The following SLC16A12 variants were observed in gnomAD, a reference collection of about 807,000 sequenced individuals.
The protein encoded by SLC16A12 is solute carrier family 16 member 12.
SLC16A12 carries 17 observed loss-of-function variants against 42.4 expected under a neutral mutation model. That is an observed-to-expected ratio of 0.40 (90% CI 0.27 to 0.60). SLC16A12 has a LOEUF of 0.60. Among genes scored for constraint, SLC16A12 ranks in the 20% least tolerant of loss-of-function variants. The probability of loss-of-function intolerance (pLI) is 0.42; values close to 1 mark genes in which losing one functional copy is unlikely to be tolerated. For synonymous variants in SLC16A12, 224 were observed against 229.4 expected (o/e 0.98, Z 0.21); for missense variants, 544 against 623.0 (o/e 0.87, Z 1.35).
intron 2 of SLC16A12, among the ~76,000 whole-genome samples, chr10:89,496,992 T>G (rs1309905575): frequency 1.3e-5 from 2 of 152,172 alleles, no homozygotes. Context: ...CATGAAAAGA[T>G]GCTCATTTTT....
At chr10:89,455,754 C>T (rs182871894) in intron 3 of SLC16A12, among the ~76,000 whole-genome samples, 63 of 152,266 alleles carry the variant, frequency 4.1e-4, no homozygotes, top group African/African-American at 1.3e-3. Context: ...ATCCCTGGTT[C>T]TCACCCTAGG....
chr10:89,550,531 C>CA (rs1222981053), intron 2 of SLC16A12, among the ~76,000 whole-genome samples: 2 of 152,104 alleles, frequency 1.3e-5, no homozygotes, highest in African/African-American at 4.8e-5. Flanking sequence ...AACAAACAAA[C>CA]AACAACAACA....
intron 7 of SLC16A12, among the ~76,000 whole-genome samples, chr10:89,435,493 A>G (rs1841765062): frequency 6.6e-6 from 1 of 152,316 alleles, no homozygotes; most frequent in Admixed American, 6.5e-5. Flanking sequence ...AACTATTAGA[A>G]TGGAATCTTA....
At chr10:89,536,189 T>A (rs891157890), upstream of SLC16A12, among the ~76,000 whole-genome samples, 1 of 152,016 alleles carries the variant, frequency 6.6e-6, no homozygotes, top group Non-Finnish European at 1.5e-5. Context: ...AAAGAACTTT[T>A]CCCCTCAGGG....
Position 89,433,079 on chromosome 10 carries a change from G to C in SLC16A12, c.1536C>G (p.Gly512=). 1.9e-6 allele frequency: 3 copies of C among 1,614,140 alleles called. No homozygotes were observed. The highest frequency in any genetic ancestry group is 2.5e-6 in the Non-Finnish European group (3 of 1,179,998). ...AGGCCTTTGGTCATGTGAGGCTGTA[G>C]CCAGGCACTGCTGTAGCCACAGGCT... ...HGEPVATAVP[G]YSLT is the part of the protein sequence containing the mutation. Residue 512 remains glycine (G), a synonymous_variant, in exon 8 of 8, where the codon GGC becomes GGG. Coordinates refer to ENST00000371790, the MANE Select transcript of SLC16A12 (RefSeq NM_213606.4).
rs145595230 is a variant in SLC16A12 at position 89,461,189 on chromosome 10, G to A, written c.200+1190C>T. On this transcript the variant is annotated intron_variant, in intron 3 of 7. Transcript: ENST00000371790. ...ATGAGATGGATGAGTCTTAATGTAC[G>A]TGCATCTAACTTAGGCATATTCAAC... is the stretch of plus-strand genomic sequence containing the variant. Among the ~76,000 whole-genome samples, 40 of 152,258 alleles carry A rather than the reference G, an allele frequency of 2.6e-4. No individual in the cohort carries two copies. The East Asian group carries it at 6.2e-3, about 23-fold the overall frequency.
intron 2 of SLC16A12, among the ~76,000 whole-genome samples, chr10:89,499,846 A>G (rs1842969903): frequency 6.6e-6 from 1 of 152,334 alleles, no homozygotes; most frequent in Admixed American, 6.5e-5. Context: ...ACGAAAGATA[A>G]ATAAAACAAA....
rs1273974215 is a variant in SLC16A12 at position 89,546,752 on chromosome 10, T to C, written c.-47+9130A>G. 2.0e-5 allele frequency among the ~76,000 whole-genome samples: 3 copies of C among 152,308 alleles called. No homozygotes were observed. The East Asian group carries it at 5.8e-4, about 29-fold the overall frequency. On this transcript the variant is annotated intron_variant, in intron 2 of 2. Coordinates refer to the SLC16A12 transcript ENST00000475682. ...TGCACACATATGTTTATTGCAGCACTATTTACAATAGCAAAGACATGAAAT... is the reference window on the plus strand; with the variant it reads ...TGCACACATATGTTTATTGCAGCACCATTTACAATAGCAAAGACATGAAAT...
At position 89,438,811 on chromosome 10, in the gene SLC16A12, T is replaced by A; in HGVS notation, c.821A>T (p.Glu274Val). Residue 274 changes from glutamate to valine, a missense_variant, in exon 6 of 8, where the codon GAG becomes GTG. Physicochemically the swap from Glu to Val is moderately radical, Grantham distance 121. Coordinates refer to ENST00000371790, the MANE Select transcript of SLC16A12 (RefSeq NM_213606.4). ...QTCLCCCLQQ[E>V]YSFLLMSDFV... The stretch of plus-strand genomic sequence containing the variant: ...GTCTGACATGAGTAAAAAACTGTAC[T>A]CTTGCTGCAAACAGCAACAGAGGCA... 1 of 1,614,174 alleles carries A rather than the reference T, an allele frequency of 6.2e-7. No homozygotes were observed. Among genetic ancestry groups the A allele is most frequent in the Non-Finnish European group, 8.5e-7 (1 of 1,180,034 alleles).
chr10:89,449,383 C>T (rs1842055893), intron 3 of SLC16A12, among the ~76,000 whole-genome samples: 1 of 152,168 alleles, frequency 6.6e-6, no homozygotes, highest in Admixed American at 6.5e-5. Context: ...GTAACCAAAG[C>T]AGCATGGTAC....
At position 89,430,663 on chromosome 10, in the gene SLC16A12, T is replaced by C. The variant is rs1219966123; in HGVS notation, c.*2401A>G. 6.4e-6 allele frequency: 3 copies of C among 466,056 alleles called. No homozygotes were observed. Among genetic ancestry groups the C allele is most frequent in the Non-Finnish European group, 1.3e-5 (3 of 225,944 alleles). 28.9% of individuals were successfully genotyped at this position (466,056 alleles called of 1,614,324 possible). Reference sequence around the variant, plus strand: ...TTAAGATGTACATTTTTCTTACTGATTTTCTAAAAATGCTGCCTCAAAAGG... The same window carrying C: ...TTAAGATGTACATTTTTCTTACTGACTTTCTAAAAATGCTGCCTCAAAAGG... On this transcript the variant is annotated 3_prime_UTR_variant, in exon 8 of 8. Transcript: ENST00000371790.
chr10:89,471,688 T>C (rs1333188121), intron 2 of SLC16A12, among the ~76,000 whole-genome samples: 3 of 152,230 alleles, frequency 2.0e-5, no homozygotes, highest in Non-Finnish European at 4.4e-5. Context: ...ATGTGTATTT[T>C]AACTTTAGAA....
chr10:89,487,968 A>G (rs374944971), intron 2 of SLC16A12, among the ~76,000 whole-genome samples: 93 of 31,704 alleles, frequency 2.9e-3, no homozygotes, highest in African/African-American at 0.012. Flanking sequence ...GTGTGTGTAT[A>G]TATATATATA....
intron 3 of SLC16A12, among the ~76,000 whole-genome samples, chr10:89,449,462 A>C (rs11203129): frequency 0.35 from 53,898 of 152,018 alleles, 9,850 homozygotes; most frequent in African/African-American, 0.41. Flanking sequence ...CACACATCTA[A>C]GACCATCTGA....
chr10:89,545,684 C>T (rs1843738619), intron 2 of SLC16A12, among the ~76,000 whole-genome samples: 1 of 152,220 alleles, frequency 6.6e-6, no homozygotes, highest in African/African-American at 2.4e-5. Flanking sequence ...CTACCATTGA[C>T]ATTCTTCACA....
At chr10:89,484,746 G>T (rs542581818) in intron 2 of SLC16A12, among the ~76,000 whole-genome samples, 1 of 152,112 alleles carries the variant, frequency 6.6e-6, no homozygotes, top group South Asian at 2.1e-4. Context: ...ATCTAAGAAG[G>T]CATTGCTTCC....
chr10:89,546,949 C>T (rs760568931), intron 2 of SLC16A12, among the ~76,000 whole-genome samples: 17 of 152,122 alleles, frequency 1.1e-4, no homozygotes, highest in South Asian at 4.1e-4. Context: ...AACCAAACAC[C>T]GCATATTCTC....
chr10:89,529,512 A>G (rs1843506440), intron 2 of SLC16A12, among the ~76,000 whole-genome samples: 1 of 151,206 alleles, frequency 6.6e-6, no homozygotes, highest in Non-Finnish European at 1.5e-5. Context: ...ATGGTGATTC[A>G]GAAGTTGGGA....
chr10:89,486,514 T>C (rs942410945), intron 2 of SLC16A12, among the ~76,000 whole-genome samples: 6 of 147,670 alleles, frequency 4.1e-5, no homozygotes, highest in African/African-American at 1.5e-4. Flanking sequence ...ATCCCTTGAA[T>C]CCAGGAATTC....
Sources: gnomAD v4.1 joint callset for allele counts (sites outside exome capture counted in the v4.1 genomes callset) on GRCh38, gnomAD v4.1.1 for gene constraint, MANE v1.5 for transcripts, NCBI Gene and HGNC (gene_info 2026-07-23, HGNC 2026-07-21) for gene names.